AMACR: variants seen among roughly 807,000 people sequenced by gnomAD.
AMACR encodes 2-methylacyl-CoA racemase.
AMACR carries 18 observed loss-of-function variants against 22.2 expected under a neutral mutation model. That is an observed-to-expected ratio of 0.81 (90% CI 0.56 to 1.20). AMACR has a LOEUF of 1.20. Among genes scored for constraint, AMACR ranks in the 50% most tolerant of loss-of-function variants. The probability of loss-of-function intolerance (pLI) is 0.00; values close to 1 mark genes in which losing one functional copy is unlikely to be tolerated. For synonymous variants in AMACR, 213 were observed against 191.3 expected (o/e 1.11, Z -0.94); for missense variants, 499 against 490.6 (o/e 1.02, Z -0.16).
At chr5:33,992,025 C>T (rs1299427606) in intron 4 of AMACR, among the ~76,000 whole-genome samples, 1 of 152,108 alleles carries the variant, frequency 6.6e-6, no homozygotes, top group Non-Finnish European at 1.5e-5. Context: ...ATTGCAGGTG[C>T]CTGCCACCAT....
rs866763698 is a variant in AMACR, at chr5:33,988,283, G to T, written c.*810C>A. 4.6e-6 allele frequency: 7 copies of T among 1,530,846 alleles called. No individual in the cohort carries two copies. The highest frequency in any genetic ancestry group is 1.2e-5 in the South Asian group (1 of 83,728). The allele number at this position is 1,530,846 out of a possible 1,614,324, so 94.8% of individuals were successfully genotyped here. On this transcript the variant is annotated 3_prime_UTR_variant, in exon 5 of 5. Coordinates refer to ENST00000335606, the MANE Select transcript of AMACR (RefSeq NM_014324.6). Reference sequence around the variant, plus strand: ...AACTCAGTCCAAGGAGACACAAAACGACTTGCTGGGGGGTCCTGAGATCTT... The same window carrying T: ...AACTCAGTCCAAGGAGACACAAAACTACTTGCTGGGGGGTCCTGAGATCTT...
At chr5:34,001,136 C>A (rs771533209) in intron 3 of AMACR, among the ~76,000 whole-genome samples, 1 of 152,214 alleles carries the variant, frequency 6.6e-6, no homozygotes, top group African/African-American at 2.4e-5. Flanking sequence ...ACCATGCATG[C>A]GAGTGAAGAG....
chr5:34,007,760 G>C lies in AMACR; in HGVS notation c.247+13C>G, dbSNP rs530359458. ...GGAACTTCCCGAGAGCAGCCCGCGG[G>C]GCCCGGGCTCACCGCGGCGGAAGGG... On this transcript the variant is annotated intron_variant, in intron 1 of 4. Coordinates refer to ENST00000335606, the MANE Select transcript of AMACR (RefSeq NM_014324.6). 17 of 1,542,884 alleles carry C rather than the reference G, an allele frequency of 1.1e-5. No homozygotes were observed. The highest frequency in any genetic ancestry group is 2.4e-5 in the South Asian group (2 of 84,644).
At chr5:34,000,410 A>G (rs1753782171) in intron 3 of AMACR, among the ~76,000 whole-genome samples, 1 of 152,250 alleles carries the variant, frequency 6.6e-6, no homozygotes. Context: ...TACACACTGT[A>G]GTGAGTCGAC....
rs770025877 is a variant in AMACR, at chr5:33,988,431, G to A, written c.*662C>T. The A allele has an allele frequency of 1.4e-5, 21 of 1,535,386 alleles. No individual in the cohort carries two copies. Among genetic ancestry groups the A allele is most frequent in the Non-Finnish European group, 1.7e-5 (20 of 1,146,078 alleles). On this transcript the variant is annotated 3_prime_UTR_variant, in exon 5 of 5. Transcript: ENST00000335606. ...AGAGACCCACGGGGAAACAGGCCCC[G>A]AGTTACTGGATACAGGCAACCCTAA...
rs1753370365 is a variant in AMACR, at chr5:33,988,554, G to GAA, written c.*538_*539insTT. 8.8e-6 allele frequency: 12 copies of GAA among 1,370,010 alleles called. No homozygotes were observed. The highest frequency in any genetic ancestry group is 1.1e-5 in the Non-Finnish European group (12 of 1,064,874). 84.9% of individuals were successfully genotyped at this position (1,370,010 alleles called of 1,614,324 possible). A position where few individuals can be genotyped will look rare whatever the true frequency, so the allele number is the denominator to read the frequency against. On this transcript the variant is annotated 3_prime_UTR_variant, in exon 5 of 5. Coordinates refer to ENST00000335606, the MANE Select transcript of AMACR (RefSeq NM_014324.6). Reference sequence around the variant, plus strand: ...GTTGAAGGCATTCTGATTCAATACAGGTGAAACTTTTCTTTGCAAATTACA... The same window carrying GAA: ...GTTGAAGGCATTCTGATTCAATACAGAAGTGAAACTTTTCTTTGCAAATTACA...
In AMACR at chr5:34,007,822, C is replaced by G; in HGVS notation, c.198G>C (p.Leu66=). 1.6e-5 allele frequency: 25 copies of G among 1,577,634 alleles called. No individual in the cohort carries two copies. The highest frequency in any genetic ancestry group is 2.1e-5 in the Non-Finnish European group (25 of 1,165,694). Reference sequence around the variant, plus strand: ...CATCCGACCGCTTGCACAGACGCCGCAGCACGGCGGCTCCCCGCGGCTGCT... The same window carrying G: ...CATCCGACCGCTTGCACAGACGCCGGAGCACGGCGGCTCCCCGCGGCTGCT... ...DLKQPRGAAV[L]RRLCKRSDVL... The change falls in exon 1 of 5, where the codon CTG becomes CTC. Residue 66 remains leucine, a synonymous_variant. Coordinates refer to ENST00000335606, the MANE Select transcript of AMACR (RefSeq NM_014324.6).
At chr5:33,992,463 T>A (rs1290636885) in intron 4 of AMACR, among the ~76,000 whole-genome samples, 1 of 151,868 alleles carries the variant, frequency 6.6e-6, no homozygotes, top group African/African-American at 2.4e-5. Flanking sequence ...ATCCCAGCAC[T>A]TTGGAAGGCT....
chr5:34,002,350 A>T (rs1221830453), intron 3 of AMACR, among the ~76,000 whole-genome samples: 1 of 152,244 alleles, frequency 6.6e-6, no homozygotes, highest in African/African-American at 2.4e-5. Flanking sequence ...ATTCTGCTGA[A>T]AGCAGCAATC....
Position 33,988,300 on chromosome 5 carries a change from T to G in AMACR, c.*793A>C. ...CACAAAACGACTTGCTGGGGGGTCCTGAGATCTTTATTTCTGGATGTTGCT... is the reference window on the plus strand; with the variant it reads ...CACAAAACGACTTGCTGGGGGGTCCGGAGATCTTTATTTCTGGATGTTGCT... On this transcript the variant is annotated 3_prime_UTR_variant, in exon 5 of 5. Transcript: ENST00000335606. The G allele has an allele frequency of 6.5e-7, 1 of 1,538,560 alleles. No individual in the cohort carries two copies. Among genetic ancestry groups the G allele is most frequent in the South Asian group, 1.2e-5 (1 of 84,094 alleles).
chr5:33,989,278 C>T lies in AMACR; in HGVS notation c.964G>A (p.Asp322Asn), dbSNP rs1414326492. ...RGSFITSEEQ[D>N]VSPRPAPLLL... Reference sequence around the variant, plus strand: ...AGAGGTGCAGGGCGGGGGCTCACGTCCTGCTCCTCACTGGTGATAAACGAG... The same window carrying T: ...AGAGGTGCAGGGCGGGGGCTCACGTTCTGCTCCTCACTGGTGATAAACGAG... Residue 322 changes from aspartate to asparagine, a missense_variant, in exon 5 of 5, where the codon GAC becomes AAC. By Grantham distance (23) the Asp-to-Asn change is conservative. Transcript: ENST00000335606. 1.9e-6 allele frequency: 3 copies of T among 1,614,094 alleles called. No homozygotes were observed. Among genetic ancestry groups the T allele is most frequent in the Admixed American group, 3.3e-5 (2 of 60,010 alleles).
Position 33,989,300 on chromosome 5 carries a change from C to A in AMACR, c.942G>T (p.Ser314=). 1 of 1,614,102 alleles carries A rather than the reference C, an allele frequency of 6.2e-7. No individual in the cohort carries two copies. The highest frequency in any genetic ancestry group is 8.5e-7 in the Non-Finnish European group (1 of 1,180,006). Residue 314 remains serine (S), a synonymous_variant, in exon 5 of 5, where the codon TCG becomes TCT. Coordinates refer to ENST00000335606, the MANE Select transcript of AMACR (RefSeq NM_014324.6). ...VHHDHNKERG[S]FITSEEQDVS... is the part of the protein sequence containing the mutation. ...CGTCCTGCTCCTCACTGGTGATAAA[C>A]GAGCCCCGTTCCTTGTTGTGATCAT...
intron 3 of AMACR, 52 bp from the exon 4 acceptor site, chr5:33,998,879 A>G: frequency 6.4e-7 from 1 of 1,562,636 alleles, no homozygotes; most frequent in South Asian, 1.1e-5. Flanking sequence ...GTGTCAAAGC[A>G]TGAATAATTC....
Position 33,989,198 on chromosome 5 carries a change from T to C in AMACR, c.1044A>G (p.Glu348=). The C allele has an allele frequency of 6.2e-7, 1 of 1,614,200 alleles. No homozygotes were observed. Among genetic ancestry groups the C allele is most frequent in the African/African-American group, 1.3e-5 (1 of 75,042 alleles). The part of the protein sequence containing the change: ...PSFKRDPFIG[E]HTEEILEEFG... ...ATTCTTCAAGTATCTCCTCAGTGTG[T>C]TCTCCTATGAAAGGATCCCTTTTGA... The change falls in exon 5 of 5, where the codon GAA becomes GAG. Residue 348 remains glutamate (E), a synonymous_variant. Coordinates refer to ENST00000335606, the MANE Select transcript of AMACR (RefSeq NM_014324.6).
chr5:34,005,258 G>A (rs1478276273), intron 2 of AMACR, among the ~76,000 whole-genome samples: 3 of 152,038 alleles, frequency 2.0e-5, no homozygotes, highest in South Asian at 2.1e-4. Flanking sequence ...CTCACATGTC[G>A]TCACAGGCAA....
chr5:34,006,050 C>CT, intron 1 of AMACR, 151 bp from the exon 2 acceptor site: 3 of 904,502 alleles, frequency 3.3e-6, no homozygotes, highest in Non-Finnish European at 5.0e-6. Context: ...GTTAAGGACT[C>CT]AAAGAGTGAA....
At position 34,007,867 on chromosome 5, in the gene AMACR, G is replaced by A. The variant is rs1434005876; in HGVS notation, c.153C>T (p.Arg51=). The A allele has an allele frequency of 6.3e-7, 1 of 1,589,972 alleles. No individual in the cohort carries two copies. The highest frequency in any genetic ancestry group is 1.1e-5 in the South Asian group (1 of 89,576). The part of the protein sequence containing the change: ...YDVSRLGRGK[R]SLVLDLKQPR... ...GCTGCTTCAGGTCCAGCACTAGCGAGCGCTTGCCCCGGCCCAAGCGGCTCA... is the reference window on the plus strand; with the variant it reads ...GCTGCTTCAGGTCCAGCACTAGCGAACGCTTGCCCCGGCCCAAGCGGCTCA... The change falls in exon 1 of 5, where the codon CGC becomes CGT. Residue 51 remains arginine (R), a synonymous_variant. Transcript: ENST00000335606.
rs1434681664 is a variant in AMACR at position 33,989,085 on chromosome 5, C to A, written c.*8G>T. 6.2e-7 allele frequency: 1 copy of A among 1,614,044 alleles called. No individual in the cohort carries two copies. Among genetic ancestry groups the A allele is most frequent in the Non-Finnish European group, 8.5e-7 (1 of 1,180,012 alleles). ...TATTCAAATTCACTTGAGCCGTGGG[C>A]CTGGAAGTTAGAGACTAGCTTTTAC... On this transcript the variant is annotated 3_prime_UTR_variant, in exon 5 of 5. Coordinates refer to ENST00000335606, the MANE Select transcript of AMACR (RefSeq NM_014324.6).
rs562693242 is a variant in AMACR, at chr5:33,986,166, C to G, written c.*2927G>C. ...TGTCAAAATGTAAATAAATTGATATCTTTTCATAAACTTTTTATAAATATA... is the reference window on the plus strand; with the variant it reads ...TGTCAAAATGTAAATAAATTGATATGTTTTCATAAACTTTTTATAAATATA... On this transcript the variant is annotated 3_prime_UTR_variant, in exon 5 of 5. Coordinates refer to ENST00000335606, the MANE Select transcript of AMACR (RefSeq NM_014324.6). 6.6e-6 allele frequency: 1 copy of G among 152,162 alleles called. No homozygotes were observed. The highest frequency in any genetic ancestry group is 2.4e-5 in the African/African-American group (1 of 41,434). 9.4% of individuals were successfully genotyped at this position (152,162 alleles called of 1,614,324 possible).
Sources: gnomAD v4.1 joint callset for allele counts (sites outside exome capture counted in the v4.1 genomes callset) on GRCh38, gnomAD v4.1.1 for gene constraint, MANE v1.5 for transcripts, NCBI Gene and HGNC (gene_info 2026-07-23, HGNC 2026-07-21) for gene names.